The following ZBTB38 variants were observed in gnomAD, a reference collection of about 807,000 sequenced individuals.
The protein encoded by ZBTB38 is zinc finger and BTB domain containing 38.
Under a neutral mutation model 76.8 loss-of-function variants are expected in ZBTB38, and 20 were observed. The observed-to-expected ratio is 0.26, with a 90% CI of 0.18 to 0.38. ZBTB38 has a LOEUF of 0.38. Ranked by LOEUF, ZBTB38 falls within the 10% of genes least tolerant of loss-of-function variation. The probability of loss-of-function intolerance (pLI) is 1.00; values close to 1 mark genes in which losing one functional copy is unlikely to be tolerated. For missense variants in ZBTB38, 1,082 were observed against 1,482.3 expected, an observed-to-expected ratio of 0.73 and a Z score of 4.43; for synonymous variants, 504 against 544.2, an observed-to-expected ratio of 0.93 and a Z score of 1.03.
intron 1 of ZBTB38, among the ~76,000 whole-genome samples, chr3:141,356,426 G>C (rs1003307509): frequency 6.6e-6 from 1 of 152,118 alleles, no homozygotes; most frequent in Non-Finnish European, 1.5e-5. Context: ...GGCTGCTGCG[G>C]CTCTGTTTAG....
intron 1 of ZBTB38, among the ~76,000 whole-genome samples, chr3:141,334,425 CTTCCTTCCT>C (rs1942949941): frequency 7.9e-6 from 1 of 126,656 alleles, no homozygotes; most frequent in African/African-American, 3.4e-5. Context: ...TCCTTCCTTC[CTTCCTTCCT>C]TCCTTCCTTC....
intron 1 of ZBTB38, among the ~76,000 whole-genome samples, chr3:141,344,074 A>C (rs947437979): frequency 6.6e-6 from 1 of 152,224 alleles, no homozygotes; most frequent in Admixed American, 6.5e-5. Context: ...TTCTAGTAAC[A>C]GCAGGACAGG....
At chr3:141,419,149 C>A (rs2074776773) in intron 5 of ZBTB38, among the ~76,000 whole-genome samples, 1 of 152,144 alleles carries the variant, frequency 6.6e-6, no homozygotes, top group South Asian at 2.1e-4. Context: ...GGGGAAGCGG[C>A]ATCTTCTTCA....
intron 1 of ZBTB38, among the ~76,000 whole-genome samples, chr3:141,352,088 C>G (rs914803982): frequency 6.6e-6 from 1 of 152,112 alleles, no homozygotes; most frequent in Non-Finnish European, 1.5e-5. Flanking sequence ...ATGCTGCAGA[C>G]AAAGTCCTTG....
chr3:141,371,284 C>G (rs572018571), intron 2 of ZBTB38, among the ~76,000 whole-genome samples: 22 of 151,938 alleles, frequency 1.4e-4, no homozygotes, highest in Non-Finnish European at 2.6e-4. Context: ...ATCTCTTGAC[C>G]TCGTGATCTG....
In ZBTB38 at chr3:141,448,840, C is replaced by G. The variant is rs1373293146; in HGVS notation, c.*2864C>G. The G allele has an allele frequency of 1.3e-5, 2 of 152,120 alleles. No individual in the cohort carries two copies. The highest frequency in any genetic ancestry group is 4.8e-5 in the African/African-American group (2 of 41,414). The allele number at this position is 152,120 out of a possible 1,614,324, so 9.4% of individuals were successfully genotyped here. ...GTTTACATTCCGTGGTACCTACTTA[C>G]ATGCTTAGGAGTCAAATGGATTATG... is the stretch of plus-strand genomic sequence containing the variant. On this transcript the variant is annotated 3_prime_UTR_variant, in exon 6 of 6. Coordinates refer to ENST00000321464, the MANE Select transcript of ZBTB38 (RefSeq NM_001376113.1).
chr3:141,445,192 G>A lies in ZBTB38; in HGVS notation c.2804G>A (p.Arg935Lys). The change falls in exon 6 of 6, where the codon AGG (arginine) becomes AAG (lysine). Residue 935 changes from arginine (R) to lysine (K), a missense_variant. Physicochemically the swap from Arg to Lys is conservative, Grantham distance 26 (BLOSUM62 2). Coordinates refer to ENST00000321464, the MANE Select transcript of ZBTB38 (RefSeq NM_001376113.1). This position sits in a 1 kb window ranked among gnomAD's most constrained non-coding sequence, Gnocchi z 6.5. ...KKKSRQLKKMRKVNWRKEHGN... is the reference protein window; with the variant it reads ...KKKSRQLKKMKKVNWRKEHGN... ...AAATCCAGACAGTTGAAAAAAATGA[G>A]GAAAGTCAACTGGAGGAAGGAGCAC... 1 of 1,614,118 alleles carries A rather than the reference G, an allele frequency of 6.2e-7. No homozygotes were observed. The highest frequency in any genetic ancestry group is 8.5e-7 in the Non-Finnish European group (1 of 1,180,018).
intron 1 of ZBTB38, among the ~76,000 whole-genome samples, chr3:141,340,620 G>A (rs544532107): frequency 3.0e-4 from 46 of 152,254 alleles, no homozygotes; most frequent in African/African-American, 9.4e-4. Flanking sequence ...GTGGTTGGCC[G>A]GGCGTGGTGG....
chr3:141,363,353 A>G (rs1035177198), intron 1 of ZBTB38, among the ~76,000 whole-genome samples: 1 of 152,230 alleles, frequency 6.6e-6, no homozygotes, highest in African/African-American at 2.4e-5. Flanking sequence ...TTTAACATCT[A>G]TCAAAACCCC....
chr3:141,438,460 G>A (rs1242913822), intron 5 of ZBTB38: 7 of 151,912 alleles, frequency 4.6e-5, no homozygotes, highest in African/African-American at 1.7e-4. Context: ...AACCTCAGGT[G>A]ATCCACCTGC....
intron 1 of ZBTB38, among the ~76,000 whole-genome samples, chr3:141,342,663 C>T (rs2148911054): frequency 6.6e-6 from 1 of 151,074 alleles, no homozygotes; most frequent in East Asian, 1.9e-4. Context: ...TGGACACAAA[C>T]CCTCGTGCAA....
rs201634036 is a variant in ZBTB38 at position 141,444,533 on chromosome 3, G to A, written c.2145G>A (p.Ser715=). Residue 715 remains serine, a synonymous_variant, in exon 6 of 6, where the codon TCG becomes TCA. Coordinates refer to ENST00000321464, the MANE Select transcript of ZBTB38 (RefSeq NM_001376113.1). The surrounding 1 kb of genome is among the most constrained non-coding windows in gnomAD (Gnocchi z 5.1). ...TCAGCTACAGTGGCTCTGCACCCTC[G>A]GTCATTGTACACAGCAGCCAGTTTT... is the stretch of plus-strand genomic sequence containing the variant. ...SVISYSGSAP[S]VIVHSSQFSS... The A allele has an allele frequency of 1.5e-4, 235 of 1,614,078 alleles. 3 individuals are homozygous for A. In the African/African-American group the frequency reaches 2.0e-3, roughly 14 times the overall value.
chr3:141,383,950 G>C (rs1946575965), intron 3 of ZBTB38, among the ~76,000 whole-genome samples: 1 of 152,210 alleles, frequency 6.6e-6, no homozygotes, highest in Admixed American at 6.5e-5. Context: ...GCATACCCTT[G>C]CCACTAGTAA....
In ZBTB38 at chr3:141,449,642, T is replaced by C. The variant is rs1439345764; in HGVS notation, c.*3666T>C. The C allele has an allele frequency of 6.6e-6, 1 of 152,078 alleles. No individual in the cohort carries two copies. The highest frequency in any genetic ancestry group is 1.5e-5 in the Non-Finnish European group (1 of 68,006). The allele number at this position is 152,078 out of a possible 1,614,324, so 9.4% of individuals were successfully genotyped here. ...GCCTACCGGTGGCTGGCCAGTAGCA[T>C]CAATTTTGTATTGGAAGGGCAATCC... is the stretch of plus-strand genomic sequence containing the variant. On this transcript the variant is annotated 3_prime_UTR_variant, in exon 6 of 6. Coordinates refer to ENST00000321464, the MANE Select transcript of ZBTB38 (RefSeq NM_001376113.1).
At chr3:141,440,817 C>T (rs2079971363) in intron 5 of ZBTB38, among the ~76,000 whole-genome samples, 1 of 151,934 alleles carries the variant, frequency 6.6e-6, no homozygotes, top group African/African-American at 2.4e-5. Context: ...GGGCAGATCA[C>T]GAGGTCAAGA....
intron 4 of ZBTB38, among the ~76,000 whole-genome samples, chr3:141,390,797 G>C (rs1006021835): frequency 2.0e-5 from 3 of 152,088 alleles, no homozygotes; most frequent in Non-Finnish European, 4.4e-5. Context: ...TGCAGGGAGG[G>C]GAATAAGCAA....
intron 1 of ZBTB38, among the ~76,000 whole-genome samples, chr3:141,346,779 G>GTTTT (rs1553760842): frequency 3.5e-5 from 3 of 85,580 alleles, no homozygotes; most frequent in Non-Finnish European, 6.1e-5. Context: ...TTTTTGTTTT[G>GTTTT]TTTTGTGTGT....
At chr3:141,420,488 G>A (rs6785073) in intron 5 of ZBTB38, among the ~76,000 whole-genome samples, 37,029 of 152,112 alleles carry the variant, frequency 0.24, 5,503 homozygotes, top group Non-Finnish European at 0.34. Flanking sequence ...CTTGCCTTGT[G>A]GCCTCAGTAC....
At chr3:141,431,341 A>AAAAAAAAATATATATATATAT in intron 5 of ZBTB38, among the ~76,000 whole-genome samples, 1 of 103,288 alleles carries the variant, frequency 9.7e-6, no homozygotes. Flanking sequence ...AAAAAAAAAA[A>AAAAAAAAATATATATATATAT]ATATATATAT....
Sources: gnomAD v4.1 joint callset for allele counts (sites outside exome capture counted in the v4.1 genomes callset) on GRCh38, gnomAD v4.1.1 for gene constraint, Gnocchi (gnomAD v3.1) non-coding constraint, MANE v1.5 for transcripts, NCBI Gene and HGNC (gene_info 2026-07-23, HGNC 2026-07-21) for gene names.